SCML4: variants seen among roughly 807,000 people sequenced by gnomAD.
SCML4 encodes the protein sex comb on midleg-like protein 4.
Under a neutral mutation model 41.1 loss-of-function variants are expected in SCML4, and 34 were observed. The ratio of observed to expected loss-of-function variants is 0.83; its 90% CI spans 0.63 to 1.10. The LOEUF (loss-of-function observed/expected upper bound fraction) is 1.10, where lower values mean the gene tolerates loss of function less well. Among genes scored for constraint, SCML4 ranks in the 50% least tolerant of loss-of-function variants. SCML4 has a pLI of 0.00. For synonymous variants in SCML4, 214 were observed against 220.9 expected (o/e 0.97, Z 0.28); for missense variants, 522 against 534.1 (o/e 0.98, Z 0.22).
intron 1 of SCML4, among the ~76,000 whole-genome samples, chr6:107,785,715 A>G (rs1781836367): frequency 6.6e-6 from 1 of 152,230 alleles, no homozygotes; most frequent in Non-Finnish European, 1.5e-5. Context: ...TGAGAAGTTA[A>G]ATAGCTAGTA....
chr6:107,778,207 AAAAAAAAAAAAAAAAATATATATATATAT>A lies in SCML4; in HGVS notation c.-59-5850_-59-5822del, dbSNP rs1228110946. 7.2e-3 allele frequency among the ~76,000 whole-genome samples: 80 copies of A among 11,156 alleles called. 5 individuals are homozygous for A. The highest frequency in any genetic ancestry group is 0.032 in the South Asian group (5 of 158). 7.3% of individuals were successfully genotyped at this position (11,156 alleles called of 152,430 possible). On this transcript the variant is annotated intron_variant, in intron 1 of 7. Transcript: ENST00000369020. ...GCGAGACTCTATCTCAAAAAAAAAA[AAAAAAAAAAAAAAAAATATATATATATAT>A]ATATATATATATATATATATATATA...
intron 6 of SCML4, among the ~76,000 whole-genome samples, chr6:107,708,876 A>G (rs1158562696): frequency 6.6e-6 from 1 of 152,166 alleles, no homozygotes; most frequent in African/African-American, 2.4e-5. Context: ...TTGTGTGTGT[A>G]TGTCCCAAAC....
chr6:107,707,532 T>A (rs183258780), intron 7 of SCML4, among the ~76,000 whole-genome samples: 65 of 152,346 alleles, frequency 4.3e-4, no homozygotes, highest in African/African-American at 1.5e-3. Context: ...CTACTGCGGT[T>A]TGCCTGGCAT....
chr6:107,825,964 A>C (rs1271381541), upstream of SCML4, among the ~76,000 whole-genome samples: 1 of 148,026 alleles, frequency 6.8e-6, no homozygotes, highest in Non-Finnish European at 1.5e-5. Context: ...AAAGAAAATA[A>C]GATGGATGGG....
chr6:107,748,151 T>C (rs910138887), intron 3 of SCML4, among the ~76,000 whole-genome samples: 1 of 152,220 alleles, frequency 6.6e-6, no homozygotes, highest in African/African-American at 2.4e-5. Flanking sequence ...TTGTAAAACA[T>C]AGCCAAGAAA....
chr6:107,752,309 C>T (rs1406328846), intron 2 of SCML4, among the ~76,000 whole-genome samples: 1 of 151,210 alleles, frequency 6.6e-6, no homozygotes, highest in Non-Finnish European at 1.5e-5. Flanking sequence ...TGCTAGACAT[C>T]CAAGTGGAGA....
the SCML4 span, among the ~76,000 whole-genome samples, chr6:107,829,365 G>A: frequency 6.6e-6 from 1 of 151,814 alleles, no homozygotes; most frequent in Admixed American, 6.6e-5. Flanking sequence ...TCCAGTTTGT[G>A]TGACAGAGCA....
intron 5 of SCML4, among the ~76,000 whole-genome samples, chr6:107,739,635 A>G (rs758893809): frequency 2.0e-5 from 3 of 152,164 alleles, no homozygotes; most frequent in East Asian, 3.9e-4. Flanking sequence ...CTATGGATGT[A>G]TGGAGCCTCA....
intron 1 of SCML4, among the ~76,000 whole-genome samples, chr6:107,816,957 C>T (rs192908792): frequency 9.2e-5 from 14 of 152,266 alleles, no homozygotes; most frequent in Admixed American, 2.0e-4. Context: ...AACTGATGTT[C>T]GATTCACAAA....
chr6:107,745,339 T>G (rs1777977993), intron 4 of SCML4, 196 bp from the exon 5 acceptor site: 1 of 541,010 alleles, frequency 1.8e-6, no homozygotes, highest in African/African-American at 1.9e-5. Context: ...CATTTAGTTG[T>G]CACGTCTCCT....
At chr6:107,819,339 T>C (rs1364499741) in intron 1 of SCML4, among the ~76,000 whole-genome samples, 5 of 110,384 alleles carry the variant, frequency 4.5e-5, no homozygotes, top group African/African-American at 1.5e-4. Flanking sequence ...TCTATAATGA[T>C]CAGCACAGGG....
At position 107,722,738 on chromosome 6, in the gene SCML4, G is replaced by A. The variant is rs534419949; in HGVS notation, c.683-1745C>T. Reference sequence around the variant, plus strand: ...GCTAGCAGATCTTCTCATAGTTGGGGATGGATGTGGAGCTTGACTAAAAAT... The same window carrying A: ...GCTAGCAGATCTTCTCATAGTTGGGAATGGATGTGGAGCTTGACTAAAAAT... On this transcript the variant is annotated intron_variant, in intron 5 of 7. Coordinates refer to ENST00000369020, the MANE Select transcript of SCML4 (RefSeq NM_198081.5). 2.2e-4 allele frequency among the ~76,000 whole-genome samples: 33 copies of A among 152,274 alleles called. 1 individual carries two copies. In the South Asian group the frequency reaches 6.6e-3, roughly 31 times the overall value.
At chr6:107,786,503 T>C (rs1583583134) in intron 1 of SCML4, among the ~76,000 whole-genome samples, 1 of 152,232 alleles carries the variant, frequency 6.6e-6, no homozygotes. Context: ...GACCCATTTC[T>C]ATCACAGCAC....
chr6:107,755,382 A>G lies in SCML4; in HGVS notation c.157-5569T>C, dbSNP rs116925597. 5.3e-3 allele frequency among the ~76,000 whole-genome samples: 808 copies of G among 152,292 alleles called. 7 individuals carry two copies. The highest frequency in any genetic ancestry group is 6.5e-3 in the Non-Finnish European group (441 of 68,016). ...TAGATAAAAAATCACGAGTAGAAAT[A>G]CCCTTTTGACTTAGCATTCAGAAAT... is the stretch of plus-strand genomic sequence containing the variant. On this transcript the variant is annotated intron_variant, in intron 2 of 7. Transcript: ENST00000369020.
intron 1 of SCML4, among the ~76,000 whole-genome samples, chr6:107,812,468 G>A (rs537328540): frequency 3.5e-4 from 53 of 152,346 alleles, no homozygotes; most frequent in African/African-American, 1.2e-3. Flanking sequence ...AGATTGGGCC[G>A]TGGGTGCCCA....
intron 2 of SCML4, among the ~76,000 whole-genome samples, chr6:107,752,090 G>A (rs1489951414): frequency 2.0e-5 from 3 of 152,126 alleles, no homozygotes; most frequent in Non-Finnish European, 4.4e-5. Flanking sequence ...ATGTTTTGAA[G>A]GTGGAACCAA....
chr6:107,832,362 C>G, the SCML4 span, among the ~76,000 whole-genome samples: 4 of 152,236 alleles, frequency 2.6e-5, no homozygotes, highest in Admixed American at 2.6e-4. Flanking sequence ...TTACGCCTGG[C>G]TTCCCTCATG....
chr6:107,773,731 G>T (rs1381044775), intron 1 of SCML4, among the ~76,000 whole-genome samples: 4 of 152,152 alleles, frequency 2.6e-5, no homozygotes, highest in Non-Finnish European at 5.9e-5. Flanking sequence ...GAATGTTCAG[G>T]AATGTGATGA....
intron 1 of SCML4, among the ~76,000 whole-genome samples, chr6:107,812,606 G>A (rs772730095): frequency 3.9e-5 from 6 of 152,244 alleles, no homozygotes; most frequent in South Asian, 2.1e-4. Flanking sequence ...CCAATCCATC[G>A]AAGGCCTGAA....
Sources: allele counts gnomAD v4.1 joint callset (sites outside exome capture counted in the v4.1 genomes callset), GRCh38; gene constraint gnomAD v4.1.1; transcripts MANE v1.5; gene names NCBI Gene and HGNC (gene_info 2026-07-23, HGNC 2026-07-21).